Variants in EYS observed in about 807,000 individuals in gnomAD.
EYS encodes protein eyes shut homolog.
EYS carries 250 observed loss-of-function variants against 282.1 expected under a neutral mutation model. That is an observed-to-expected ratio of 0.89 (90% CI 0.80 to 0.98). The LOEUF is 0.98. Ranked by LOEUF, EYS falls within the 50% of genes least tolerant of loss-of-function variation. The pLI is 0.00. For missense variants in EYS, 4,016 were observed against 3,709.0 expected (o/e 1.08, Z -2.15); for synonymous variants, 1,355 against 1,282.9 (o/e 1.06, Z -1.20).
intron 4 of EYS, among the ~76,000 whole-genome samples, chr6:65,492,017 A>T (rs1455507794): frequency 1.3e-5 from 2 of 152,170 alleles, no homozygotes; most frequent in Non-Finnish European, 2.9e-5. Flanking sequence ...CCAATCTTTG[A>T]CTTTTGGCAT....
At chr6:64,500,353 A>G (rs935782812) in intron 26 of EYS, among the ~76,000 whole-genome samples, 1 of 152,130 alleles carries the variant, frequency 6.6e-6, no homozygotes, top group African/African-American at 2.4e-5. Flanking sequence ...GCTTCATGGT[A>G]CGTATCTGTT....
chr6:65,239,077 A>G (rs1026516239), intron 12 of EYS, among the ~76,000 whole-genome samples: 2 of 152,050 alleles, frequency 1.3e-5, no homozygotes, highest in African/African-American at 4.8e-5. Context: ...GGTAATCTCC[A>G]TTTTATTGCC....
At chr6:64,265,138 T>C (rs1295693000) in intron 30 of EYS, among the ~76,000 whole-genome samples, 3 of 152,120 alleles carry the variant, frequency 2.0e-5, no homozygotes, top group African/African-American at 7.2e-5. Flanking sequence ...TACTTTTTCT[T>C]ATTTTTTATT....
chr6:63,929,088 G>T (rs1764810383), intron 35 of EYS, among the ~76,000 whole-genome samples: 1 of 152,046 alleles, frequency 6.6e-6, no homozygotes, highest in Non-Finnish European at 1.5e-5. Context: ...AAGTAGACGG[G>T]GTCAAATGGG....
intron 33 of EYS, among the ~76,000 whole-genome samples, chr6:64,014,497 A>G (rs1165250567): frequency 6.6e-6 from 1 of 152,204 alleles, no homozygotes; most frequent in African/African-American, 2.4e-5. Context: ...TAAGATATTT[A>G]TACTGTATTA....
chr6:64,103,354 G>A (rs1462204546), intron 31 of EYS, among the ~76,000 whole-genome samples: 1 of 152,170 alleles, frequency 6.6e-6, no homozygotes, highest in Non-Finnish European at 1.5e-5. Context: ...TTTTCAACGT[G>A]TGAGGGAGGA....
chr6:64,608,483 T>C (rs1189105632), intron 24 of EYS, among the ~76,000 whole-genome samples: 1 of 152,174 alleles, frequency 6.6e-6, no homozygotes, highest in Admixed American at 6.6e-5. Flanking sequence ...TGCAAAATGG[T>C]ACAAATATTT....
intron 41 of EYS, among the ~76,000 whole-genome samples, chr6:63,756,910 T>A (rs1769500186): frequency 6.6e-6 from 1 of 152,158 alleles, no homozygotes; most frequent in Non-Finnish European, 1.5e-5. Flanking sequence ...CTGTTGTCTT[T>A]GTAAGCTGAG....
At chr6:63,950,193 A>C (rs1230515624) in intron 35 of EYS, among the ~76,000 whole-genome samples, 65 of 148,602 alleles carry the variant, frequency 4.4e-4, no homozygotes, top group African/African-American at 1.5e-3. Flanking sequence ...ACAAAACAAA[A>C]CAAAAAAAAA....
Position 64,853,066 on chromosome 6 carries a change from G to C in EYS, c.2993-30244C>G, listed in dbSNP as rs367595303. ...CTTTTGTTCACACTATGAAATTAGA[G>C]AGACCCAAGGTATTGTATGATAAAT... On this transcript the variant is annotated intron_variant, in intron 19 of 42. Coordinates refer to ENST00000503581, the MANE Select transcript of EYS (RefSeq NM_001142800.2). 1.7e-3 allele frequency among the ~76,000 whole-genome samples: 258 copies of C among 152,244 alleles called. 1 individual carries two copies. The highest frequency in any genetic ancestry group is 6.0e-3 in the African/African-American group (248 of 41,560).
intron 26 of EYS, among the ~76,000 whole-genome samples, chr6:64,495,458 T>C (rs940132224): frequency 1.3e-5 from 2 of 151,826 alleles, no homozygotes; most frequent in African/African-American, 4.8e-5. Flanking sequence ...CAAAATGATT[T>C]GGATAGAATG....
chr6:65,595,657 A>G (rs78435027), intron 2 of EYS, among the ~76,000 whole-genome samples: 3,556 of 151,798 alleles, frequency 0.023, 187 homozygotes, highest in South Asian at 0.14. Flanking sequence ...CTCAAAAAAA[A>G]AAAAATCAGT....
intron 36 of EYS, among the ~76,000 whole-genome samples, chr6:63,838,266 A>G (rs1219189843): frequency 6.6e-6 from 1 of 151,338 alleles, no homozygotes; most frequent in Non-Finnish European, 1.5e-5. Flanking sequence ...AATTTTTCAA[A>G]TGTGTTAAAA....
intron 2 of EYS, among the ~76,000 whole-genome samples, chr6:65,620,489 G>T (rs369082891): frequency 2.6e-5 from 4 of 151,218 alleles, no homozygotes; most frequent in South Asian, 2.1e-4. Context: ...TTTGTTGATC[G>T]TTTCAAAAAA....
intron 22 of EYS, among the ~76,000 whole-genome samples, chr6:64,717,640 C>T (rs1403196369): frequency 6.6e-6 from 1 of 152,142 alleles, no homozygotes; most frequent in Non-Finnish European, 1.5e-5. Context: ...TGAACTGGCA[C>T]CCCTAGTTTA....
At chr6:65,232,939 A>G (rs750722140) in intron 12 of EYS, among the ~76,000 whole-genome samples, 57 of 152,132 alleles carry the variant, frequency 3.7e-4, no homozygotes, top group Non-Finnish European at 2.2e-4. Flanking sequence ...TTCAAGATCC[A>G]TCAATATTGT....
intron 12 of EYS, among the ~76,000 whole-genome samples, chr6:65,183,824 T>A (rs1765451490): frequency 6.6e-6 from 1 of 151,848 alleles, no homozygotes; most frequent in South Asian, 2.1e-4. Context: ...GTAGTTGGTA[T>A]TTTCTTCCAT....
At chr6:64,528,605 C>A (rs1331649742) in intron 26 of EYS, among the ~76,000 whole-genome samples, 2 of 152,064 alleles carry the variant, frequency 1.3e-5, no homozygotes, top group Non-Finnish European at 2.9e-5. Flanking sequence ...TCTTATTTTT[C>A]TATTCCCATT....
chr6:65,154,198 A>C (rs2150217220), intron 12 of EYS, among the ~76,000 whole-genome samples: 1 of 151,928 alleles, frequency 6.6e-6, no homozygotes, highest in Middle Eastern at 3.4e-3. Flanking sequence ...TCGATAATTC[A>C]TTACCTTCAA....
Sources: allele counts gnomAD v4.1 joint callset (sites outside exome capture counted in the v4.1 genomes callset), GRCh38; gene constraint gnomAD v4.1.1; transcripts MANE v1.5; gene names NCBI Gene and HGNC (gene_info 2026-07-23, HGNC 2026-07-21).